WWOX: variants seen among roughly 807,000 people sequenced by gnomAD.
WWOX encodes the protein WW domain-containing oxidoreductase.
WWOX carries 69 observed loss-of-function variants against 46.2 expected under a neutral mutation model. That is an observed-to-expected ratio of 1.49 (90% CI 1.23 to 1.82). WWOX has a LOEUF of 1.82. Among genes scored for constraint, WWOX ranks in the 40% most tolerant of loss-of-function variants. The pLI, the probability that WWOX is intolerant of heterozygous loss-of-function variation, is 0.00. For synonymous variants in WWOX, 359 were observed against 202.6 expected (o/e 1.77, Z -6.56); for missense variants, 919 against 542.6 (o/e 1.69, Z -6.89).
At chr16:78,999,684 G>C (rs2047057183) in intron 8 of WWOX, among the ~76,000 whole-genome samples, 1 of 152,104 alleles carries the variant, frequency 6.6e-6, no homozygotes. Context: ...GATAAAAATG[G>C]AGGCCTACTT....
intron 8 of WWOX, among the ~76,000 whole-genome samples, chr16:78,918,583 T>G (rs1407890769): frequency 6.6e-6 from 1 of 152,224 alleles, no homozygotes; most frequent in African/African-American, 2.4e-5. Flanking sequence ...GCAAAATGCT[T>G]GTTACTATTT....
intron 8 of WWOX, among the ~76,000 whole-genome samples, chr16:78,743,745 C>A (rs1244265492): frequency 5.9e-5 from 9 of 152,140 alleles, no homozygotes; most frequent in Admixed American, 5.9e-4. Context: ...TGATTGGTTG[C>A]TTTTCACAAC....
At chr16:78,417,954 G>C (rs886774428) in intron 6 of WWOX, among the ~76,000 whole-genome samples, 1 of 152,318 alleles carries the variant, frequency 6.6e-6, no homozygotes, top group Middle Eastern at 3.4e-3. Context: ...TCCTTAATAA[G>C]ATCCAGATTA....
At chr16:78,580,575 T>C (rs1419875540) in intron 8 of WWOX, among the ~76,000 whole-genome samples, 1 of 152,206 alleles carries the variant, frequency 6.6e-6, no homozygotes, top group East Asian at 1.9e-4. Context: ...AGAAAGGATT[T>C]CTTTATCGTA....
intron 8 of WWOX, among the ~76,000 whole-genome samples, chr16:79,079,501 C>G (rs551546925): frequency 6.6e-6 from 1 of 152,142 alleles, no homozygotes; most frequent in Non-Finnish European, 1.5e-5. Context: ...TTGCCCCAAC[C>G]CCCTGTTACA....
chr16:79,074,729 T>A (rs2048622237), intron 8 of WWOX, among the ~76,000 whole-genome samples: 1 of 152,088 alleles, frequency 6.6e-6, no homozygotes, highest in Admixed American at 6.6e-5. Context: ...TCTACAAAGA[T>A]AACTAAGCTG....
intron 8 of WWOX, among the ~76,000 whole-genome samples, chr16:78,968,609 G>C (rs1401440893): frequency 1.3e-5 from 2 of 152,216 alleles, no homozygotes; most frequent in African/African-American, 2.4e-5. Context: ...CAAGGACCCT[G>C]TTGAGAGGTT....
At chr16:78,631,688 C>T (rs1201483286) in intron 8 of WWOX, among the ~76,000 whole-genome samples, 2 of 151,990 alleles carry the variant, frequency 1.3e-5, no homozygotes, top group South Asian at 2.1e-4. Flanking sequence ...GTGTGTGCCA[C>T]CGTGCCTGGC....
chr16:78,125,737 C>G (rs2033334262), intron 4 of WWOX, among the ~76,000 whole-genome samples: 1 of 152,078 alleles, frequency 6.6e-6, no homozygotes. Context: ...CTTTCTTTAC[C>G]AAAACCACTT....
intron 8 of WWOX, among the ~76,000 whole-genome samples, chr16:78,689,579 T>A (rs923895488): frequency 1.3e-5 from 2 of 152,210 alleles, no homozygotes; most frequent in African/African-American, 4.8e-5. Context: ...TCACCCTTCA[T>A]GTCTGATCAC....
chr16:78,629,132 T>G (rs1029957329), intron 8 of WWOX, among the ~76,000 whole-genome samples: 9 of 152,186 alleles, frequency 5.9e-5, no homozygotes, highest in Non-Finnish European at 1.2e-4. Flanking sequence ...TGAAAACTTT[T>G]CAAAGGGCAC....
At chr16:79,008,707 C>T (rs1350913432) in intron 8 of WWOX, among the ~76,000 whole-genome samples, 2 of 152,202 alleles carry the variant, frequency 1.3e-5, no homozygotes. Flanking sequence ...CTCCCTCCAG[C>T]ACCTGGCCTT....
rs1213541858 is a variant in WWOX, at chr16:78,802,937, AAAAAACAAC to A, written c.1056+370189_1056+370197del. Among the ~76,000 whole-genome samples, 88 of 99,514 alleles carry A rather than the reference AAAAAACAAC, an allele frequency of 8.8e-4. 12 individuals are homozygous for A. The highest frequency in any genetic ancestry group is 2.9e-3 in the South Asian group (7 of 2,448). The allele number at this position is 99,514 out of a possible 152,430, so 65.3% of individuals were successfully genotyped here. Reference sequence around the variant, plus strand: ...TCTGAAAAAAAAAAAAAAAAAAAAAAAAAAACAACAAACAGAAAAATGAACGAGTGAGTG... The same window carrying A: ...TCTGAAAAAAAAAAAAAAAAAAAAAAAAACAGAAAAATGAACGAGTGAGTG... On this transcript the variant is annotated intron_variant, in intron 8 of 8. Transcript: ENST00000566780.
intron 8 of WWOX, among the ~76,000 whole-genome samples, chr16:79,186,386 T>G (rs2051015799): frequency 6.6e-6 from 1 of 152,196 alleles, no homozygotes; most frequent in Admixed American, 6.5e-5. Context: ...GGTGGTTCAG[T>G]GGCAACGCTT....
At chr16:79,055,637 T>C (rs28392618) in intron 8 of WWOX, among the ~76,000 whole-genome samples, 2,511 of 152,328 alleles carry the variant, frequency 0.016, 64 homozygotes, top group African/African-American at 0.052. Flanking sequence ...TGCTATTTTT[T>C]AAAGGTGTAT....
chr16:79,128,656 A>C (rs187408686), intron 8 of WWOX, among the ~76,000 whole-genome samples: 5 of 152,226 alleles, frequency 3.3e-5, no homozygotes, highest in Admixed American at 1.3e-4. Context: ...ATTTCACTCA[A>C]CTGAGGAATT....
At chr16:79,155,019 G>T (rs1291936530) in intron 8 of WWOX, among the ~76,000 whole-genome samples, 1 of 152,220 alleles carries the variant, frequency 6.6e-6, no homozygotes. Context: ...CTTCATCTGT[G>T]CCTTCACCCA....
intron 8 of WWOX, among the ~76,000 whole-genome samples, chr16:78,586,048 CAACA>C (rs201517912): frequency 2.6e-5 from 4 of 151,724 alleles, no homozygotes; most frequent in East Asian, 1.9e-4. Flanking sequence ...AAAACAACAA[CAACA>C]AACAAACAGA....
chr16:78,480,218 T>G (rs2084453678), intron 8 of WWOX, among the ~76,000 whole-genome samples: 2 of 152,252 alleles, frequency 1.3e-5, no homozygotes, highest in Non-Finnish European at 1.5e-5. Context: ...TAGCCAGATG[T>G]GGTTATTGGC....
Sources: gnomAD v4.1 joint callset for allele counts (sites outside exome capture counted in the v4.1 genomes callset) on GRCh38, gnomAD v4.1.1 for gene constraint, MANE v1.5 for transcripts, NCBI Gene and HGNC (gene_info 2026-07-23, HGNC 2026-07-21) for gene names.